The following CFAP299 variants were observed in gnomAD, a reference collection of about 807,000 sequenced individuals.
CFAP299 encodes cilia- and flagella-associated protein 299.
Under a neutral mutation model 27.0 loss-of-function variants are expected in CFAP299, and 21 were observed. The ratio of observed to expected loss-of-function variants is 0.78; its 90% CI spans 0.55 to 1.12. CFAP299 has a LOEUF of 1.12. CFAP299 is among the 50% of genes most tolerant of loss of function. The probability of loss-of-function intolerance (pLI) is 0.00; values close to 1 mark genes in which losing one functional copy is unlikely to be tolerated. For missense variants in CFAP299, 310 were observed against 276.6 expected (o/e 1.12, Z -0.86); for synonymous variants, 104 against 98.1 (o/e 1.06, Z -0.36).
intron 2 of CFAP299, among the ~76,000 whole-genome samples, chr4:80,474,376 AG>A (rs1194129821): frequency 2.6e-5 from 4 of 152,224 alleles, no homozygotes; most frequent in Non-Finnish European, 5.9e-5. Context: ...GAACATTTAA[AG>A]GTAAGTAATG....
At chr4:80,518,819 G>A (rs1732727049) in intron 2 of CFAP299, among the ~76,000 whole-genome samples, 1 of 152,108 alleles carries the variant, frequency 6.6e-6, no homozygotes, top group Admixed American at 6.6e-5. Flanking sequence ...GGCTTGCCTG[G>A]GTTGGCATTT....
At chr4:80,432,091 G>A (rs1284690489) in intron 2 of CFAP299, among the ~76,000 whole-genome samples, 1 of 152,152 alleles carries the variant, frequency 6.6e-6, no homozygotes, top group African/African-American at 2.4e-5. Context: ...AAATCTAAAA[G>A]AAAATCAAAA....
intron 2 of CFAP299, chr4:80,387,900 C>A (rs11944059): frequency 6.4e-6 from 6 of 931,220 alleles, no homozygotes; most frequent in Middle Eastern, 2.2e-4. Context: ...CCACGGTGCC[C>A]CCGGTGGCAC....
intron 3 of CFAP299, among the ~76,000 whole-genome samples, chr4:80,713,606 C>T (rs1301415873): frequency 5.3e-5 from 8 of 152,204 alleles, no homozygotes; most frequent in Admixed American, 2.0e-4. Flanking sequence ...ACTTTACATG[C>T]TCGAGTGCAA....
At chr4:80,598,263 A>G (rs1737158209) in intron 3 of CFAP299, among the ~76,000 whole-genome samples, 1 of 152,206 alleles carries the variant, frequency 6.6e-6, no homozygotes, top group Non-Finnish European at 1.5e-5. Context: ...GCTACAGGCT[A>G]ATGTACAAAA....
chr4:80,529,516 A>G (rs1446868169), intron 2 of CFAP299, among the ~76,000 whole-genome samples: 1 of 152,100 alleles, frequency 6.6e-6, no homozygotes. Flanking sequence ...TTTATGGTAA[A>G]GTTAGTTGGC....
intron 2 of CFAP299, among the ~76,000 whole-genome samples, chr4:80,538,090 G>C (rs1285709312): frequency 6.6e-6 from 1 of 152,062 alleles, no homozygotes; most frequent in Non-Finnish European, 1.5e-5. Flanking sequence ...TTGTCTCCTG[G>C]TGACATCGTA....
At chr4:80,932,235 T>C (rs1216712427) in intron 4 of CFAP299, among the ~76,000 whole-genome samples, 1 of 152,170 alleles carries the variant, frequency 6.6e-6, no homozygotes, top group African/African-American at 2.4e-5. Flanking sequence ...TAACTCTTAA[T>C]TTTCTTAATT....
intron 2 of CFAP299, among the ~76,000 whole-genome samples, chr4:80,379,561 T>A (rs1156591422): frequency 6.6e-6 from 1 of 151,908 alleles, no homozygotes; most frequent in African/African-American, 2.4e-5. Context: ...ACTGATTTAG[T>A]TGGATTTCAC....
At chr4:80,745,967 A>C (rs1724559920) in intron 3 of CFAP299, among the ~76,000 whole-genome samples, 2 of 152,092 alleles carry the variant, frequency 1.3e-5, no homozygotes, top group African/African-American at 4.8e-5. Context: ...CAAGAAATTC[A>C]ATTTCTAATT....
intron 2 of CFAP299, among the ~76,000 whole-genome samples, chr4:80,416,051 G>A (rs1233127664): frequency 1.3e-5 from 2 of 152,172 alleles, no homozygotes; most frequent in Admixed American, 1.3e-4. Context: ...AAAGCAAATA[G>A]GAGAAATTAC....
At chr4:80,484,561 T>C (rs1730718439) in intron 2 of CFAP299, among the ~76,000 whole-genome samples, 1 of 152,176 alleles carries the variant, frequency 6.6e-6, no homozygotes, top group Admixed American at 6.5e-5. Context: ...CATAATACAA[T>C]GAATAATTGA....
chr4:80,534,634 T>G (rs1733639655), intron 2 of CFAP299, among the ~76,000 whole-genome samples: 1 of 152,078 alleles, frequency 6.6e-6, no homozygotes, highest in South Asian at 2.1e-4. Context: ...CTACTATATG[T>G]TTAAAGTATA....
intron 2 of CFAP299, among the ~76,000 whole-genome samples, chr4:80,578,412 AT>A (rs1276831055): frequency 6.6e-6 from 1 of 151,998 alleles, no homozygotes; most frequent in Non-Finnish European, 1.5e-5. Flanking sequence ...ATTATGTAAC[AT>A]TTTTTTCTCT....
At chr4:80,438,807 T>C (rs1461698942) in intron 2 of CFAP299, among the ~76,000 whole-genome samples, 2 of 152,248 alleles carry the variant, frequency 1.3e-5, no homozygotes, top group Non-Finnish European at 2.9e-5. Flanking sequence ...TTGGTAAATG[T>C]ATTAAGTCAT....
rs147151357 is a variant in CFAP299, at chr4:80,794,651, G to A, written c.334-75342G>A. 2.5e-3 allele frequency among the ~76,000 whole-genome samples: 382 copies of A among 152,276 alleles called. 1 individual carries two copies. Among genetic ancestry groups the A allele is most frequent in the African/African-American group, 7.5e-3 (313 of 41,566 alleles). On this transcript the variant is annotated intron_variant, in intron 3 of 5. Coordinates refer to ENST00000358105, the MANE Select transcript of CFAP299 (RefSeq NM_152770.3). ...ACACTTCTTTAGCTGGAAAGTGAGT[G>A]CGTTGGTCAGAGGCAATGCTGTGTG...
chr4:80,345,699 A>G (rs1722694447), intron 1 of CFAP299, among the ~76,000 whole-genome samples: 1 of 152,090 alleles, frequency 6.6e-6, no homozygotes. Flanking sequence ...GTTGGTTTCA[A>G]GTCTTTGCTT....
chr4:80,861,803 G>T lies in CFAP299; in HGVS notation c.334-8190G>T, dbSNP rs1449654295. Among the ~76,000 whole-genome samples the T allele has an allele frequency of 3.3e-5, 5 of 152,038 alleles. No homozygotes were observed. The South Asian group carries it at 1.0e-3, about 31-fold the overall frequency. Reference sequence around the variant, plus strand: ...AGATTGCCTGCACAATAGCTAATGGGTTATTACTAGCATAAAACCCATCTT... The same window carrying T: ...AGATTGCCTGCACAATAGCTAATGGTTTATTACTAGCATAAAACCCATCTT... On this transcript the variant is annotated intron_variant, in intron 3 of 5. Transcript: ENST00000358105.
chr4:80,820,783 G>T (rs1157653836), intron 3 of CFAP299, among the ~76,000 whole-genome samples: 7 of 152,126 alleles, frequency 4.6e-5, no homozygotes. Context: ...CATTAGTGTT[G>T]CAATTAATGC....
Sources: allele counts gnomAD v4.1 joint callset (sites outside exome capture counted in the v4.1 genomes callset), GRCh38; gene constraint gnomAD v4.1.1; transcripts MANE v1.5; gene names NCBI Gene and HGNC (gene_info 2026-07-23, HGNC 2026-07-21).